ABCA12: variants seen among roughly 807,000 people sequenced by gnomAD.
ABCA12 encodes glucosylceramide transporter ABCA12.
ABCA12 carries 156 observed loss-of-function variants against 293.5 expected under a neutral mutation model. That is an observed-to-expected ratio of 0.53 (90% CI 0.47 to 0.61). ABCA12 has a LOEUF of 0.61. Ranked by LOEUF, ABCA12 falls within the 20% of genes least tolerant of loss-of-function variation. ABCA12 has a pLI of 0.00. For missense variants in ABCA12, 2,797 were observed against 3,090.2 expected, an observed-to-expected ratio of 0.91 and a Z score of 2.25; for synonymous variants, 1,063 against 1,108.0, an observed-to-expected ratio of 0.96 and a Z score of 0.81.
At chr2:215,040,852 T>C (rs1250336196) in intron 7 of ABCA12, among the ~76,000 whole-genome samples, 1 of 151,944 alleles carries the variant, frequency 6.6e-6, no homozygotes, top group African/African-American at 2.4e-5. Flanking sequence ...ATGTTATGTG[T>C]CCCAAACCTT....
intron 2 of ABCA12, among the ~76,000 whole-genome samples, chr2:215,070,463 C>T (rs1701715405): frequency 6.6e-6 from 1 of 151,710 alleles, no homozygotes; most frequent in South Asian, 2.1e-4. Flanking sequence ...ATGTGCCATG[C>T]TGGTGTGCTG....
chr2:214,977,102 G>A lies in ABCA12; in HGVS notation c.5129-1065C>T, dbSNP rs79733721. Among the ~76,000 whole-genome samples the A allele has an allele frequency of 6.5e-3, 994 of 152,262 alleles. 9 individuals carry two copies. The highest frequency in any genetic ancestry group is 0.023 in the African/African-American group (945 of 41,550). On this transcript the variant is annotated intron_variant, in intron 33 of 52. Coordinates refer to ENST00000272895, the MANE Select transcript of ABCA12 (RefSeq NM_173076.3). ...ATGCAAACTCATATCTCTGCAAAAG[G>A]GAACTGTAGAAGGAGCTGAATATTT...
chr2:215,138,499 G>A lies in ABCA12; in HGVS notation c.-291C>T. 2.4e-6 allele frequency: 1 copy of A among 419,494 alleles called. No individual in the cohort carries two copies. The highest frequency in any genetic ancestry group is 4.5e-6 in the Non-Finnish European group (1 of 224,578). 26.0% of individuals were successfully genotyped at this position (419,494 alleles called of 1,614,324 possible). On this transcript the variant is annotated 5_prime_UTR_variant, in exon 1 of 53. Coordinates refer to ENST00000272895, the MANE Select transcript of ABCA12 (RefSeq NM_173076.3). The stretch of plus-strand genomic sequence containing the variant: ...TATTTTAAAATAATATCCAGTTGCT[G>A]CTTGTTGCACGAAGTCCAGACTCAA...
At chr2:215,131,322 T>C (rs568466394) in intron 1 of ABCA12, among the ~76,000 whole-genome samples, 1 of 152,216 alleles carries the variant, frequency 6.6e-6, no homozygotes, top group East Asian at 1.9e-4. Flanking sequence ...CCACCTCTTC[T>C]TTGTACATCT....
At chr2:214,968,555 G>A (rs1031620862) in intron 38 of ABCA12, among the ~76,000 whole-genome samples, 165 bp downstream of exon 38, 12 of 152,058 alleles carry the variant, frequency 7.9e-5, no homozygotes, top group African/African-American at 2.7e-4. Flanking sequence ...ATGTGTACAT[G>A]CTTCCCTAGG....
intron 1 of ABCA12, among the ~76,000 whole-genome samples, chr2:215,123,799 G>C (rs7558152): frequency 6.6e-6 from 1 of 151,610 alleles, no homozygotes; most frequent in Non-Finnish European, 1.5e-5. Flanking sequence ...AAGTTATTGG[G>C]GTACAGGTAT....
At chr2:215,110,432 A>AC (rs1559199845) in intron 2 of ABCA12, among the ~76,000 whole-genome samples, 1 of 152,180 alleles carries the variant, frequency 6.6e-6, no homozygotes, top group Admixed American at 6.5e-5. Context: ...AATGGTGTGA[A>AC]CCCAGGAGGC....
At chr2:215,136,456 G>A (rs1009498682) in intron 1 of ABCA12, among the ~76,000 whole-genome samples, 1 of 151,902 alleles carries the variant, frequency 6.6e-6, no homozygotes, top group African/African-American at 2.4e-5. Context: ...TGAGATTTGG[G>A]TGTTTTTTTT....
chr2:214,991,068 G>T, intron 23 of ABCA12, 37 bp from the exon 24 acceptor site: 1 of 1,564,592 alleles, frequency 6.4e-7, no homozygotes, highest in South Asian at 1.1e-5. Context: ...TTGTTATGCT[G>T]ATATTCTTCC....
rs139630384 is a variant in ABCA12, at chr2:215,007,441, A to T, written c.2592+286T>A. 1.6e-4 allele frequency among the ~76,000 whole-genome samples: 25 copies of T among 152,310 alleles called. No individual in the cohort carries two copies. In the East Asian group the frequency reaches 4.6e-3, roughly 28 times the overall value. ...TAACAAGCATTTTTGTAGCATTTTA[A>T]ACTTTTGAAAAACTGATTTACATCA... On this transcript the variant is annotated intron_variant, in intron 19 of 52. Coordinates refer to ENST00000272895, the MANE Select transcript of ABCA12 (RefSeq NM_173076.3).
chr2:215,127,489 A>C (rs1434991998), intron 1 of ABCA12, among the ~76,000 whole-genome samples: 2 of 152,086 alleles, frequency 1.3e-5, no homozygotes, highest in Admixed American at 6.6e-5. Flanking sequence ...TTAGGTGCCT[A>C]TGTGTTTAGG....
At position 215,011,509 on chromosome 2, in the gene ABCA12, G is replaced by A. The variant is rs1423067371; in HGVS notation, c.2262C>T (p.Thr754=). 1 of 1,613,848 alleles carries A rather than the reference G, an allele frequency of 6.2e-7. No homozygotes were observed. Among genetic ancestry groups the A allele is most frequent in the African/African-American group, 1.3e-5 (1 of 74,900 alleles). The change falls in exon 17 of 53, where the codon ACC becomes ACT. Residue 754 remains threonine (T), a synonymous_variant. Coordinates refer to ENST00000272895, the MANE Select transcript of ABCA12 (RefSeq NM_173076.3). ...TTAATTTATAAGTCAAAAAATCCTT[G>A]GTGTGGTTGCCTTTTGGCCTCTGGG... ...PSSQRPKGNH[T]KDFLTYKLTK... is the part of the protein sequence containing the mutation.
intron 2 of ABCA12, among the ~76,000 whole-genome samples, chr2:215,088,199 T>C (rs1405992581): frequency 6.6e-6 from 1 of 152,188 alleles, no homozygotes. Flanking sequence ...TAACTAGCAT[T>C]AATATATAAG....
At chr2:214,978,145 G>A (rs150958465) in intron 33 of ABCA12, among the ~76,000 whole-genome samples, 171 bp downstream of exon 33, 1 of 152,044 alleles carries the variant, frequency 6.6e-6, no homozygotes, top group East Asian at 1.9e-4. Context: ...AATTCGATTT[G>A]GTTTAATGAA....
At chr2:215,039,527 G>A (rs995284821) in intron 7 of ABCA12, among the ~76,000 whole-genome samples, 4 of 152,134 alleles carry the variant, frequency 2.6e-5, no homozygotes, top group African/African-American at 4.8e-5. Flanking sequence ...AGGCCAAGGC[G>A]GATGGATCAT....
intron 1 of ABCA12, among the ~76,000 whole-genome samples, chr2:215,119,752 A>AAAAAAAAAAAAAAC (rs1203424589): frequency 7.0e-6 from 1 of 142,966 alleles, no homozygotes; most frequent in African/African-American, 2.9e-5. Context: ...AAAAAAAAAA[A>AAAAAAAAAAAAAAC]TGAAAACAAA....
At chr2:214,981,457 T>C (rs1451385644) in intron 30 of ABCA12, among the ~76,000 whole-genome samples, 1 of 152,214 alleles carries the variant, frequency 6.6e-6, no homozygotes, top group Non-Finnish European at 1.5e-5. Flanking sequence ...TTGTGTATGT[T>C]TGATATCTCT....
chr2:215,049,834 T>A, intron 5 of ABCA12, 23 bp from the exon 6 acceptor site: 1 of 1,591,356 alleles, frequency 6.3e-7, no homozygotes, highest in Non-Finnish European at 8.6e-7. Flanking sequence ...GTGAAAAGAG[T>A]AAAATAAGAG....
chr2:215,032,302 C>A (rs1700896142), intron 8 of ABCA12: 2 of 214,780 alleles, frequency 9.3e-6, no homozygotes, highest in African/African-American at 2.6e-5. Context: ...TTTTTTTTTG[C>A]CTTCAGTTGT....
Sources: allele counts gnomAD v4.1 joint callset (sites outside exome capture counted in the v4.1 genomes callset), GRCh38; gene constraint gnomAD v4.1.1; transcripts MANE v1.5; gene names NCBI Gene and HGNC (gene_info 2026-07-23, HGNC 2026-07-21).